FAM227B: variants seen among roughly 807,000 people sequenced by gnomAD.
The protein encoded by FAM227B is protein FAM227B.
A neutral mutation model predicts 73.8 loss-of-function variants in FAM227B; 88 were observed. The observed-to-expected ratio is 1.19, with a 90% CI of 1.00 to 1.42. The LOEUF is 1.42. Ranked by LOEUF, FAM227B falls within the 40% of genes most tolerant of loss-of-function variation. The probability of loss-of-function intolerance (pLI) is 0.00; values close to 1 mark genes in which losing one functional copy is unlikely to be tolerated. For synonymous variants in FAM227B, 210 were observed against 190.5 expected (o/e 1.10, Z -0.84); for missense variants, 632 against 590.9 (o/e 1.07, Z -0.72).
At position 49,574,994 on chromosome 15, in the gene FAM227B, T is replaced by C; in HGVS notation, c.645+17A>G. On this transcript the variant is annotated intron_variant, in intron 8 of 15. Transcript: ENST00000299338. Reference sequence around the variant, plus strand: ...CAAAAATCAACTTAAAAAATAAATTTTTAAAAATCACTATACCCTAAATTT... The same window carrying C: ...CAAAAATCAACTTAAAAAATAAATTCTTAAAAATCACTATACCCTAAATTT... The C allele has an allele frequency of 6.9e-7, 1 of 1,459,598 alleles. No homozygotes were observed. Among genetic ancestry groups the C allele is most frequent in the South Asian group, 1.3e-5 (1 of 78,822 alleles). The allele number at this position is 1,459,598 out of a possible 1,614,324, so 90.4% of individuals were successfully genotyped here.
chr15:49,582,670 G>C (rs1245754031), intron 5 of FAM227B, among the ~76,000 whole-genome samples: 1 of 152,122 alleles, frequency 6.6e-6, no homozygotes, highest in African/African-American at 2.4e-5. Context: ...CAAAATAACA[G>C]AATACACATT....
chr15:49,463,472 A>G (rs996308072), intron 11 of FAM227B, among the ~76,000 whole-genome samples: 42 of 150,206 alleles, frequency 2.8e-4, no homozygotes, highest in African/African-American at 1.0e-3. Flanking sequence ...AATCACTGGA[A>G]CCCGGAAGGC....
intron 10 of FAM227B, among the ~76,000 whole-genome samples, chr15:49,520,117 C>T (rs1360677729): frequency 6.6e-6 from 1 of 152,136 alleles, no homozygotes; most frequent in Non-Finnish European, 1.5e-5. Context: ...TGCCATTAGT[C>T]TCTTTGCTAA....
At chr15:49,431,358 C>T (rs2050602672) in intron 11 of FAM227B, among the ~76,000 whole-genome samples, 2 of 151,704 alleles carry the variant, frequency 1.3e-5, no homozygotes, top group African/African-American at 4.8e-5. Context: ...GTAGAGAAGT[C>T]GTGTCAAATT....
intron 11 of FAM227B, among the ~76,000 whole-genome samples, chr15:49,493,872 GTATA>G (rs35761163): frequency 6.8e-5 from 10 of 148,126 alleles, no homozygotes; most frequent in Middle Eastern, 3.6e-3. Context: ...GTATGTATGT[GTATA>G]TATATATATA....
intron 11 of FAM227B, among the ~76,000 whole-genome samples, chr15:49,495,398 T>C (rs1597596859): frequency 6.6e-6 from 1 of 152,224 alleles, no homozygotes. Flanking sequence ...TTTGGGCTAC[T>C]CTGTGCCTTA....
rs1183045348 is a variant in FAM227B, at chr15:49,550,021, C to G, written c.748-8215G>C. Among the ~76,000 whole-genome samples, 3 of 136,746 alleles carry G rather than the reference C, an allele frequency of 2.2e-5. 1 individual carries two copies. Among genetic ancestry groups the G allele is most frequent in the Non-Finnish European group, 3.3e-5 (2 of 59,752 alleles). 89.7% of individuals were successfully genotyped at this position (136,746 alleles called of 152,430 possible). A position where few individuals can be genotyped will look rare whatever the true frequency, so the allele number is the denominator to read the frequency against. On this transcript the variant is annotated intron_variant, in intron 9 of 15. Coordinates refer to ENST00000299338, the MANE Select transcript of FAM227B (RefSeq NM_152647.3). Reference sequence around the variant, plus strand: ...TGGCCGGGCAGGGGGCTGACCCCCCCACCTCCCTCCCGGACGGGGCGGCTG... The same window carrying G: ...TGGCCGGGCAGGGGGCTGACCCCCCGACCTCCCTCCCGGACGGGGCGGCTG...
intron 15 of FAM227B, chr15:49,331,426 A>G (rs943493224): frequency 2.3e-5 from 5 of 214,580 alleles, no homozygotes; most frequent in African/African-American, 1.2e-4. Context: ...GGGACCATTC[A>G]TCTAACACAG....
chr15:49,459,507 C>T (rs2151920752), intron 11 of FAM227B, among the ~76,000 whole-genome samples: 1 of 152,126 alleles, frequency 6.6e-6, no homozygotes, highest in South Asian at 2.1e-4. Flanking sequence ...ACCTGCATTT[C>T]AGCATTGTGT....
chr15:49,473,349 TA>T (rs962118184), intron 11 of FAM227B, among the ~76,000 whole-genome samples: 2 of 152,152 alleles, frequency 1.3e-5, no homozygotes, highest in African/African-American at 4.8e-5. Context: ...CAAGAGAAAG[TA>T]TAAAGAACAT....
intron 11 of FAM227B, among the ~76,000 whole-genome samples, chr15:49,416,207 T>C (rs1469516052): frequency 7.2e-6 from 1 of 139,780 alleles, no homozygotes; most frequent in African/African-American, 2.7e-5. Context: ...CATGCTCTGT[T>C]AGGGCAGAGG....
intron 3 of FAM227B, among the ~76,000 whole-genome samples, chr15:49,598,067 C>A (rs893038657): frequency 6.6e-6 from 1 of 151,736 alleles, no homozygotes; most frequent in South Asian, 2.1e-4. Context: ...GGTACCAATT[C>A]TACTGAAACT....
intron 10 of FAM227B, among the ~76,000 whole-genome samples, chr15:49,540,632 C>T (rs2070935895): frequency 1.3e-5 from 2 of 152,232 alleles, no homozygotes; most frequent in Admixed American, 1.3e-4. Context: ...GCCATTTAAC[C>T]TTAATTACTT....
At chr15:49,481,516 G>A (rs2055944712) in intron 11 of FAM227B, among the ~76,000 whole-genome samples, 1 of 152,152 alleles carries the variant, frequency 6.6e-6, no homozygotes, top group Non-Finnish European at 1.5e-5. Context: ...TGTGTTGAAC[G>A]TTACATGAAT....
chr15:49,365,896 G>C (rs2045088777), intron 13 of FAM227B: 6 of 959,954 alleles, frequency 6.3e-6, no homozygotes, highest in Non-Finnish European at 1.0e-5. Flanking sequence ...TGCAGCAAGA[G>C]AGTTGTACAG....
chr15:49,595,630 CT>C (rs1298258657), intron 3 of FAM227B, among the ~76,000 whole-genome samples: 1 of 151,228 alleles, frequency 6.6e-6, no homozygotes, highest in African/African-American at 2.4e-5. Context: ...GTTGATTTTG[CT>C]GAGGGTTTTA....
At chr15:49,395,581 T>G (rs556118399) in intron 11 of FAM227B, among the ~76,000 whole-genome samples, 1 of 152,270 alleles carries the variant, frequency 6.6e-6, no homozygotes, top group East Asian at 1.9e-4. Context: ...TTTGGACAAT[T>G]ATGCAGGCAG....
intron 14 of FAM227B, among the ~76,000 whole-genome samples, chr15:49,334,644 G>A (rs747638005): frequency 2.0e-5 from 3 of 152,132 alleles, no homozygotes; most frequent in Non-Finnish European, 4.4e-5. Context: ...GGCAGGAGAC[G>A]GGAATGGGGA....
Position 49,588,030 on chromosome 15 carries a change from T to G in FAM227B, c.391A>C (p.Lys131Gln). Residue 131 changes from lysine (K) to glutamine (Q), a missense_variant, in exon 5 of 16, where the codon AAA becomes CAA. Coordinates refer to ENST00000299338, the MANE Select transcript of FAM227B (RefSeq NM_152647.3). The stretch of plus-strand genomic sequence containing the variant: ...AGATACCATACCATTATCTTTTTTT[T>G]CTTATGGTACTTCTTTAGAAATTCC... ...YGEFLKKYHK[K>Q]KKIMLSDEME... 6.9e-7 allele frequency: 1 copy of G among 1,452,414 alleles called. No individual in the cohort carries two copies. Among genetic ancestry groups the G allele is most frequent in the South Asian group, 1.4e-5 (1 of 70,974 alleles). The allele number at this position is 1,452,414 out of a possible 1,614,324, so 90.0% of individuals were successfully genotyped here.
Sources: gnomAD v4.1 joint callset for allele counts (sites outside exome capture counted in the v4.1 genomes callset) on GRCh38, gnomAD v4.1.1 for gene constraint, MANE v1.5 for transcripts, NCBI Gene and HGNC (gene_info 2026-07-23, HGNC 2026-07-21) for gene names.